ATXN1: variants seen among roughly 807,000 people sequenced by gnomAD.
ATXN1 encodes ataxin-1.
In ATXN1, 8 loss-of-function variants were observed where a neutral mutation model predicts 56.4. The ratio of observed to expected loss-of-function variants is 0.14; its 90% CI spans 0.08 to 0.26. ATXN1 has a LOEUF of 0.26. ATXN1 is among the 10% of genes least tolerant of loss of function. The pLI is 1.00. For synonymous variants in ATXN1, 514 were observed against 494.6 expected (o/e 1.04, Z -0.52); for missense variants, 987 against 1,106.5 (o/e 0.89, Z 1.53).
At position 16,328,913 on chromosome 6, in the gene ATXN1, C is replaced by A. The variant is rs1287849050; in HGVS notation, c.-160-443G>T. 2.0e-5 allele frequency among the ~76,000 whole-genome samples: 3 copies of A among 151,934 alleles called. No homozygotes were observed. The highest frequency in any genetic ancestry group is 1.5e-5 in the Non-Finnish European group (1 of 68,000). On this transcript the variant is annotated intron_variant, in intron 6 of 7. Transcript: ENST00000436367. This position sits in a 1 kb window ranked among gnomAD's most constrained non-coding sequence, Gnocchi z 6.2. ...TTGTACTCCAGCCTGGGCAACAGAG[C>A]GACACTCTGTCTCCAAAAACGAAAC...
intron 6 of ATXN1, among the ~76,000 whole-genome samples, chr6:16,479,777 G>T (rs959628136): frequency 6.6e-6 from 1 of 152,164 alleles, no homozygotes; most frequent in Non-Finnish European, 1.5e-5. Flanking sequence ...ACAAAGTTCA[G>T]TTGGAAACAC....
At chr6:16,394,537 C>A (rs1758415595) in intron 6 of ATXN1, among the ~76,000 whole-genome samples, 1 of 152,080 alleles carries the variant, frequency 6.6e-6, no homozygotes. Context: ...TCACTTCAAA[C>A]CTTTATCAGT....
In ATXN1 at chr6:16,580,252, A is replaced by G. The variant is rs551573341; in HGVS notation, c.-361+5528T>C. ...ATTTTCTCTTCCACCGCTGAATCCT[A>G]TAATGTCAAAAGCTCTCCTATCTCA... is the stretch of plus-strand genomic sequence containing the variant. On this transcript the variant is annotated intron_variant, in intron 4 of 7. Coordinates refer to ENST00000436367, the MANE Select transcript of ATXN1 (RefSeq NM_001128164.2). 3.0e-4 allele frequency among the ~76,000 whole-genome samples: 46 copies of G among 152,346 alleles called. No homozygotes were observed. In the South Asian group the frequency reaches 8.7e-3, roughly 29 times the overall value.
chr6:16,577,352 C>T (rs892611151), intron 4 of ATXN1, among the ~76,000 whole-genome samples: 2 of 151,868 alleles, frequency 1.3e-5, no homozygotes, highest in Non-Finnish European at 2.9e-5. Flanking sequence ...AGTGAAACCC[C>T]ATCTCTACTA....
Position 16,326,935 on chromosome 6 carries a change from G to T in ATXN1, c.1376C>A (p.Pro459His), listed in dbSNP as rs779409039. ...GCCGCTCAGGTAGCCGATGACAGGG[G>T]GTTGAGTCCCTGCGTAGAAGGCCGT... ...PATAFYAGTQ[P>H]PVIGYLSGQQ... is the part of the protein sequence containing the mutation. The change falls in exon 7 of 8, where the codon CCC (proline) becomes CAC (histidine). Residue 459 changes from proline (P) to histidine (H), a missense_variant. Pro to His is a moderately conservative substitution (Grantham distance 77). This residue lies in a region of ATXN1 where 723 missense variants were observed against 791.7 expected (regional missense o/e 0.91). Coordinates refer to ENST00000436367, the MANE Select transcript of ATXN1 (RefSeq NM_001128164.2). The surrounding 1 kb of genome is among the most constrained non-coding windows in gnomAD (Gnocchi z 6.6). 1 of 1,614,142 alleles carries T rather than the reference G, an allele frequency of 6.2e-7. No individual in the cohort carries two copies. The highest frequency in any genetic ancestry group is 8.5e-7 in the Non-Finnish European group (1 of 1,180,038).
rs534375952 is a variant in ATXN1 at position 16,472,681 on chromosome 6, T to C, written c.-161+13291A>G. Among the ~76,000 whole-genome samples, 4 of 152,344 alleles carry C rather than the reference T, an allele frequency of 2.6e-5. No homozygotes were observed. The South Asian group carries it at 8.3e-4, about 32-fold the overall frequency. ...ATAAAAATGTCAAAAATGCTTGCCA[T>C]GGTTCTCAGCAGCAAACAAATGCCT... On this transcript the variant is annotated intron_variant, in intron 6 of 7. Coordinates refer to ENST00000436367, the MANE Select transcript of ATXN1 (RefSeq NM_001128164.2).
chr6:16,464,745 G>GT (rs1373809341), intron 6 of ATXN1, among the ~76,000 whole-genome samples: 4 of 95,330 alleles, frequency 4.2e-5, no homozygotes, highest in African/African-American at 1.1e-4. Context: ...TACAGGGATA[G>GT]TAAAAAAAAA....
chr6:16,404,678 G>A (rs1281378733), intron 6 of ATXN1, among the ~76,000 whole-genome samples: 1 of 149,974 alleles, frequency 6.7e-6, no homozygotes, highest in Non-Finnish European at 1.5e-5. Flanking sequence ...TGCACCATAC[G>A]CACATGCACG....
intron 1 of ATXN1, among the ~76,000 whole-genome samples, chr6:16,756,605 T>A (rs549105644): frequency 8.5e-5 from 13 of 152,300 alleles, no homozygotes; most frequent in African/African-American, 3.1e-4. Context: ...CAGAAACTAA[T>A]CATTCGAACT....
At chr6:16,615,638 G>C (rs1174137962) in intron 3 of ATXN1, 1 of 151,098 alleles carries the variant, frequency 6.6e-6, no homozygotes, top group Non-Finnish European at 1.5e-5. Context: ...GTGGGAAAGA[G>C]GGTTGAAAAT....
chr6:16,730,085 C>G (rs939822270), intron 2 of ATXN1, among the ~76,000 whole-genome samples: 1 of 152,164 alleles, frequency 6.6e-6, no homozygotes, highest in African/African-American at 2.4e-5. Context: ...GAGTTCAAGA[C>G]CAGCCTGACC....
At position 16,759,819 on chromosome 6, in the gene ATXN1, C is replaced by A. The variant is rs1404336021; in HGVS notation, c.-730+1479G>T. On this transcript the variant is annotated intron_variant, in intron 1 of 7. Transcript: ENST00000436367. Reference sequence around the variant, plus strand: ...GAATTGTTTCATCCCTTTCAGTCAGCCCCCTACGTGGTCTGAAACAAAATG... The same window carrying A: ...GAATTGTTTCATCCCTTTCAGTCAGACCCCTACGTGGTCTGAAACAAAATG... Among the ~76,000 whole-genome samples the A allele has an allele frequency of 7.2e-5, 11 of 152,124 alleles. No individual in the cohort carries two copies. In the East Asian group the frequency reaches 2.1e-3, roughly 29 times the overall value.
chr6:16,453,639 G>A (rs1461757027), intron 6 of ATXN1, among the ~76,000 whole-genome samples: 2 of 152,044 alleles, frequency 1.3e-5, no homozygotes, highest in Non-Finnish European at 2.9e-5. Context: ...TCAAATGAAA[G>A]AGGGTAAGAA....
chr6:16,439,876 A>T (rs1244919499), intron 6 of ATXN1, among the ~76,000 whole-genome samples: 1 of 151,120 alleles, frequency 6.6e-6, no homozygotes, highest in Admixed American at 6.6e-5. Flanking sequence ...GAAGTTCGAG[A>T]CCAGCCTGGG....
At chr6:16,499,030 T>C (rs929292081) in intron 5 of ATXN1, among the ~76,000 whole-genome samples, 1 of 152,210 alleles carries the variant, frequency 6.6e-6, no homozygotes, top group African/African-American at 2.4e-5. Context: ...TATTTTTTTC[T>C]TTTGTTGTTT....
At chr6:16,699,039 A>G (rs998783229) in intron 2 of ATXN1, among the ~76,000 whole-genome samples, 1 of 152,250 alleles carries the variant, frequency 6.6e-6, no homozygotes, top group Non-Finnish European at 1.5e-5. Context: ...TCTTCCAAAG[A>G]AAAATAGCCT....
intron 4 of ATXN1, among the ~76,000 whole-genome samples, chr6:16,546,246 T>A (rs964640687): frequency 6.6e-6 from 1 of 152,184 alleles, no homozygotes; most frequent in Non-Finnish European, 1.5e-5. Flanking sequence ...CCATGGCTGA[T>A]TGTGTCTTCA....
intron 4 of ATXN1, among the ~76,000 whole-genome samples, chr6:16,528,393 C>T (rs189477250): frequency 5.1e-4 from 77 of 151,994 alleles, no homozygotes; most frequent in Non-Finnish European, 1.0e-3. Flanking sequence ...GGGCCCATAA[C>T]ATATCATGTA....
intron 2 of ATXN1, among the ~76,000 whole-genome samples, chr6:16,727,793 A>G (rs1425109889): frequency 6.6e-6 from 1 of 152,224 alleles, no homozygotes; most frequent in Admixed American, 6.5e-5. Flanking sequence ...GGACTATAAA[A>G]TGATCAAAAT....
Sources: allele counts gnomAD v4.1 joint callset (sites outside exome capture counted in the v4.1 genomes callset), GRCh38; gene constraint gnomAD v4.1.1; regional missense constraint gnomAD v4.1.1; non-coding constraint Gnocchi (gnomAD v3.1); transcripts MANE v1.5; gene names NCBI Gene and HGNC (gene_info 2026-07-23, HGNC 2026-07-21).